CDH13: variants seen among roughly 807,000 people sequenced by gnomAD.
CDH13 encodes cadherin-13.
CDH13 carries 24 observed loss-of-function variants against 63.8 expected under a neutral mutation model. The ratio of observed to expected loss-of-function variants is 0.38; its 90% CI spans 0.27 to 0.53. The LOEUF (loss-of-function observed/expected upper bound fraction) is 0.53, where lower values mean the gene tolerates loss of function less well. CDH13 is among the 20% of genes least tolerant of loss of function. CDH13 has a pLI of 0.85. For missense variants in CDH13, 1,049 were observed against 903.1 expected (o/e 1.16, Z -2.07); for synonymous variants, 503 against 355.3 (o/e 1.42, Z -4.67).
chr16:83,479,667 C>G (rs932630875), intron 6 of CDH13, among the ~76,000 whole-genome samples: 10 of 130,082 alleles, frequency 7.7e-5, no homozygotes, highest in Non-Finnish European at 1.5e-4. Flanking sequence ...CAAAAAAAAA[C>G]TTACATTTCT....
intron 4 of CDH13, among the ~76,000 whole-genome samples, chr16:83,182,510 G>C (rs1422405529): frequency 6.6e-6 from 1 of 152,214 alleles, no homozygotes; most frequent in South Asian, 2.1e-4. Flanking sequence ...CACGTGAAAG[G>C]TGAAGTTCAT....
At chr16:83,456,812 A>T (rs1246608255) in intron 6 of CDH13, among the ~76,000 whole-genome samples, 1 of 152,116 alleles carries the variant, frequency 6.6e-6, no homozygotes, top group Admixed American at 6.5e-5. Context: ...AAATACAAAA[A>T]TTAGCCAGGC....
At chr16:83,402,145 A>G (rs1444129940) in intron 6 of CDH13, among the ~76,000 whole-genome samples, 1 of 152,144 alleles carries the variant, frequency 6.6e-6, no homozygotes, top group East Asian at 1.9e-4. Context: ...GATGCTGTAC[A>G]CTAGCCTAGT....
intron 1 of CDH13, among the ~76,000 whole-genome samples, chr16:82,795,956 T>C (rs1242448580): frequency 6.6e-6 from 1 of 152,042 alleles, no homozygotes; most frequent in African/African-American, 2.4e-5. Flanking sequence ...TTTTTTTTTT[T>C]TTTTTCATTC....
At chr16:82,954,842 G>C (rs554026931) in intron 2 of CDH13, 3 of 151,188 alleles carry the variant, frequency 2.0e-5, no homozygotes, top group African/African-American at 7.3e-5. Context: ...TTCTGTCTCT[G>C]TTTCATTCCC....
At chr16:83,107,021 CACAG>C (rs774816220) in intron 3 of CDH13, among the ~76,000 whole-genome samples, 36 of 152,294 alleles carry the variant, frequency 2.4e-4, no homozygotes, top group Middle Eastern at 6.8e-3. Flanking sequence ...ACACCCCACA[CACAG>C]ACAGACAGAC....
In CDH13 at chr16:82,697,416, CTTTTTTCTT is replaced by C. The variant is rs1286689507; in HGVS notation, c.45+70286_45+70294del. ...CACCTTTAAGGGGGCCAAGGCATTT[CTTTTTTCTT>C]TTTTTTTTTTTTTTTTTTTTTTGAG... is the stretch of plus-strand genomic sequence containing the variant. On this transcript the variant is annotated intron_variant, in intron 1 of 13. Coordinates refer to ENST00000567109, the MANE Select transcript of CDH13 (RefSeq NM_001257.5). Among the ~76,000 whole-genome samples, 11 of 106,370 alleles carry C rather than the reference CTTTTTTCTT, an allele frequency of 1.0e-4. No homozygotes were observed. In the South Asian group the frequency reaches 1.3e-3, roughly 13 times the overall value. The allele number at this position is 106,370 out of a possible 152,430, so 69.8% of individuals were successfully genotyped here.
At chr16:83,307,166 G>T (rs570864434) in intron 5 of CDH13, among the ~76,000 whole-genome samples, 1 of 152,206 alleles carries the variant, frequency 6.6e-6, no homozygotes, top group Non-Finnish European at 1.5e-5. Flanking sequence ...GGGAATGTAA[G>T]TGGTAACGCC....
At chr16:83,787,557 C>G (rs1392703790) in intron 13 of CDH13, among the ~76,000 whole-genome samples, 1 of 152,206 alleles carries the variant, frequency 6.6e-6, no homozygotes, top group Non-Finnish European at 1.5e-5. Context: ...AGTAAGAGAT[C>G]TACGTTTTCC....
intron 3 of CDH13, among the ~76,000 whole-genome samples, chr16:83,073,364 A>T (rs764716583): frequency 0.1 from 15,180 of 148,172 alleles, 838 homozygotes; most frequent in Non-Finnish European, 0.14. Flanking sequence ...TGAGAGAGAG[A>T]GAGAGAGAGA....
chr16:83,081,411 A>G (rs1196515445), intron 3 of CDH13, among the ~76,000 whole-genome samples: 1 of 152,082 alleles, frequency 6.6e-6, no homozygotes. Flanking sequence ...GGGCCATCCA[A>G]CCTAGAACAA....
intron 10 of CDH13, among the ~76,000 whole-genome samples, chr16:83,706,770 C>T (rs905037893): frequency 6.6e-6 from 1 of 152,194 alleles, no homozygotes; most frequent in Non-Finnish European, 1.5e-5. Flanking sequence ...CCGGAAAAAG[C>T]TGCTTCAGCG....
At chr16:83,514,520 C>A (rs1284612863) in intron 7 of CDH13, among the ~76,000 whole-genome samples, 1 of 152,170 alleles carries the variant, frequency 6.6e-6, no homozygotes, top group African/African-American at 2.4e-5. Context: ...TGGTGCTCAC[C>A]TGCAGTCTAA....
At chr16:83,387,240 C>T (rs1371043003) in intron 6 of CDH13, among the ~76,000 whole-genome samples, 1 of 152,162 alleles carries the variant, frequency 6.6e-6, no homozygotes, top group African/African-American at 2.4e-5. Flanking sequence ...ATATTTGATC[C>T]TCCCTAGCAT....
intron 2 of CDH13, among the ~76,000 whole-genome samples, chr16:82,900,346 C>G (rs2041420238): frequency 6.6e-6 from 1 of 152,148 alleles, no homozygotes; most frequent in African/African-American, 2.4e-5. Context: ...TTGAGTTTTA[C>G]TTGGTTATTA....
chr16:83,582,997 C>T (rs1391093004), intron 7 of CDH13, among the ~76,000 whole-genome samples: 8 of 152,156 alleles, frequency 5.3e-5, no homozygotes, highest in Non-Finnish European at 8.8e-5. Flanking sequence ...TATTGACAAT[C>T]CTAGAGCCCT....
intron 6 of CDH13, among the ~76,000 whole-genome samples, chr16:83,421,477 T>C (rs919587548): frequency 6.6e-6 from 1 of 152,242 alleles, no homozygotes; most frequent in Non-Finnish European, 1.5e-5. Flanking sequence ...TCCCTGTGTT[T>C]ATTGCCTGAT....
chr16:82,855,877 G>C (rs1029203353), intron 1 of CDH13, among the ~76,000 whole-genome samples: 59 of 152,294 alleles, frequency 3.9e-4, no homozygotes, highest in Middle Eastern at 3.4e-3. Flanking sequence ...CTGGTATTTA[G>C]AGAGAAGCCC....
At chr16:82,679,052 G>A (rs1189919101) in intron 1 of CDH13, among the ~76,000 whole-genome samples, 1 of 152,198 alleles carries the variant, frequency 6.6e-6, no homozygotes, top group Non-Finnish European at 1.5e-5. Context: ...GACAGCTATA[G>A]AAAGTGCCTC....
Sources: allele counts gnomAD v4.1 joint callset (sites outside exome capture counted in the v4.1 genomes callset), GRCh38; gene constraint gnomAD v4.1.1; transcripts MANE v1.5; gene names NCBI Gene and HGNC (gene_info 2026-07-23, HGNC 2026-07-21).